The following AKAP6 variants were observed in gnomAD, a reference collection of about 807,000 sequenced individuals.
The protein encoded by AKAP6 is A-kinase anchor protein 6.
Under a neutral mutation model 188.5 loss-of-function variants are expected in AKAP6, and 58 were observed. The observed-to-expected ratio is 0.31, with a 90% CI of 0.25 to 0.38. The LOEUF (loss-of-function observed/expected upper bound fraction) is 0.38, where lower values mean the gene tolerates loss of function less well. AKAP6 is among the 10% of genes least tolerant of loss of function. The pLI is 1.00. For synonymous variants in AKAP6, 989 were observed against 998.6 expected (o/e 0.99, Z 0.18); for missense variants, 2,710 against 2,740.0 (o/e 0.99, Z 0.24).
At chr14:32,337,624 A>G (rs1172361323) in intron 1 of AKAP6, among the ~76,000 whole-genome samples, 10 of 152,026 alleles carry the variant, frequency 6.6e-5, no homozygotes, top group Non-Finnish European at 2.9e-5. Flanking sequence ...CACAATATGC[A>G]GATTTGTTAC....
intron 1 of AKAP6, among the ~76,000 whole-genome samples, chr14:32,429,530 A>G (rs1890147427): frequency 6.6e-6 from 1 of 152,254 alleles, no homozygotes; most frequent in Admixed American, 6.5e-5. Flanking sequence ...TTTAAATGTG[A>G]ACTACTAAAA....
At chr14:32,367,990 A>G (rs1286129678) in intron 1 of AKAP6, among the ~76,000 whole-genome samples, 1 of 152,162 alleles carries the variant, frequency 6.6e-6, no homozygotes, top group Non-Finnish European at 1.5e-5. Flanking sequence ...AAAAGCCCAA[A>G]CTTCTTGTTT....
At chr14:32,466,846 T>C (rs941671865) in intron 2 of AKAP6, among the ~76,000 whole-genome samples, 3 of 142,636 alleles carry the variant, frequency 2.1e-5, no homozygotes, top group Non-Finnish European at 4.5e-5. Context: ...TATATATATA[T>C]TTTCTTTCTT....
intron 7 of AKAP6, among the ~76,000 whole-genome samples, chr14:32,635,278 G>T (rs1346081336): frequency 6.6e-6 from 1 of 152,028 alleles, no homozygotes; most frequent in East Asian, 1.9e-4. Flanking sequence ...TGAAGAACAG[G>T]GAATTACGAA....
intron 1 of AKAP6, among the ~76,000 whole-genome samples, chr14:32,396,296 G>A (rs1888877388): frequency 6.6e-6 from 1 of 152,156 alleles, no homozygotes; most frequent in African/African-American, 2.4e-5. Context: ...TCACTGCCAT[G>A]TCAAGAGCAG....
intron 5 of AKAP6, among the ~76,000 whole-genome samples, chr14:32,578,816 G>T (rs988674556): frequency 1.8e-4 from 27 of 151,660 alleles, no homozygotes; most frequent in African/African-American, 6.3e-4. Context: ...ATGGACCCAA[G>T]GTCCCTTTTT....
chr14:32,563,742 A>G (rs898583946), intron 4 of AKAP6, among the ~76,000 whole-genome samples: 2 of 146,224 alleles, frequency 1.4e-5, no homozygotes, highest in Non-Finnish European at 3.0e-5. Flanking sequence ...GCCTTGTCAG[A>G]TGATTCTTGA....
intron 12 of AKAP6, among the ~76,000 whole-genome samples, chr14:32,802,282 A>G (rs2300850): frequency 0.18 from 27,463 of 152,110 alleles, 3,170 homozygotes; most frequent in African/African-American, 0.32. Context: ...TAATCTTCCA[A>G]GCCTCCATAG....
At position 32,729,856 on chromosome 14, in the gene AKAP6, C is replaced by T. The variant is rs376012834; in HGVS notation, c.3001-2598C>T. 1.8e-4 allele frequency among the ~76,000 whole-genome samples: 28 copies of T among 152,254 alleles called. No homozygotes were observed. In the East Asian group the frequency reaches 3.9e-3, roughly 21 times the overall value. On this transcript the variant is annotated intron_variant, in intron 9 of 13. Transcript: ENST00000280979. ...AGAGTAGTCTATATCATAACATCCC[C>T]AGACTACAGGACACAATGGGGCAGC...
intron 12 of AKAP6, among the ~76,000 whole-genome samples, chr14:32,804,613 A>G (rs2140098779): frequency 6.6e-6 from 1 of 152,318 alleles, no homozygotes; most frequent in Middle Eastern, 3.4e-3. Flanking sequence ...TGTCTTGATA[A>G]ACATCTTAAA....
At chr14:32,566,315 A>G (rs1168115749) in intron 4 of AKAP6, among the ~76,000 whole-genome samples, 1 of 151,952 alleles carries the variant, frequency 6.6e-6, no homozygotes, top group Non-Finnish European at 1.5e-5. Flanking sequence ...GAAAATGTTC[A>G]TATATTTATG....
At chr14:32,387,157 G>C (rs948987012) in intron 1 of AKAP6, among the ~76,000 whole-genome samples, 1 of 152,050 alleles carries the variant, frequency 6.6e-6, no homozygotes, top group Non-Finnish European at 1.5e-5. Context: ...TGAAAACTGT[G>C]CTGAATTATT....
At chr14:32,775,433 C>CT (rs112257013) in intron 12 of AKAP6, among the ~76,000 whole-genome samples, 1,570 of 120,542 alleles carry the variant, frequency 0.013, 30 homozygotes, top group African/African-American at 0.038. Context: ...CATTTTTATC[C>CT]TTTTTTTTTT....
Position 32,533,181 on chromosome 14 carries a change from T to A in AKAP6, c.325-2373T>A, listed in dbSNP as rs562841846. ...ACATTACCAAAGATAACGCCATGCT[T>A]GGTATAGAGAGAGTGAAATGTGAAC... On this transcript the variant is annotated intron_variant, in intron 2 of 13. Coordinates refer to ENST00000280979, the MANE Select transcript of AKAP6 (RefSeq NM_004274.5). Among the ~76,000 whole-genome samples the A allele has an allele frequency of 1.1e-3, 161 of 152,280 alleles. 1 individual carries two copies. Among genetic ancestry groups the A allele is most frequent in the African/African-American group, 3.7e-3 (152 of 41,560 alleles).
chr14:32,421,718 T>C (rs1444628044), intron 1 of AKAP6, among the ~76,000 whole-genome samples: 2 of 152,170 alleles, frequency 1.3e-5, no homozygotes, highest in African/African-American at 2.4e-5. Flanking sequence ...AGAAAGCTGA[T>C]TGGATGCTCT....
At chr14:32,400,675 T>C in intron 1 of AKAP6, among the ~76,000 whole-genome samples, 1 of 151,678 alleles carries the variant, frequency 6.6e-6, no homozygotes, top group Non-Finnish European at 1.5e-5. Context: ...CCTTGACCAG[T>C]GTCCTCATTG....
intron 1 of AKAP6, among the ~76,000 whole-genome samples, chr14:32,376,475 T>C (rs1566471976): frequency 6.6e-6 from 1 of 152,200 alleles, no homozygotes; most frequent in Non-Finnish European, 1.5e-5. Flanking sequence ...GGTTCTTACA[T>C]AGGACCTATT....
chr14:32,627,027 A>G (rs1887053573), intron 7 of AKAP6, among the ~76,000 whole-genome samples: 1 of 152,150 alleles, frequency 6.6e-6, no homozygotes, highest in Non-Finnish European at 1.5e-5. Flanking sequence ...GGCTTTATGA[A>G]CATGGTTATA....
intron 5 of AKAP6, among the ~76,000 whole-genome samples, chr14:32,594,049 A>G (rs891828554): frequency 2.1e-4 from 32 of 152,140 alleles, no homozygotes; most frequent in Admixed American, 2.0e-3. Flanking sequence ...ATTCGTAATG[A>G]TTTTTTTAGC....
Sources: gnomAD v4.1 joint callset for allele counts (sites outside exome capture counted in the v4.1 genomes callset) on GRCh38, gnomAD v4.1.1 for gene constraint, MANE v1.5 for transcripts, NCBI Gene and HGNC (gene_info 2026-07-23, HGNC 2026-07-21) for gene names.